Variants in RBMS1 observed in about 807,000 individuals in gnomAD.
The protein encoded by RBMS1 is RNA binding motif single stranded interacting protein 1, also known as RNA-binding motif, single-stranded-interacting protein 1.
Under a neutral mutation model 62.3 loss-of-function variants are expected in RBMS1, and 17 were observed. That is an observed-to-expected ratio of 0.27 (90% CI 0.19 to 0.41). RBMS1 has a LOEUF of 0.41. Ranked by LOEUF, RBMS1 falls within the 10% of genes least tolerant of loss-of-function variation. The pLI is 1.00. For synonymous variants in RBMS1, 172 were observed against 170.0 expected (o/e 1.01, Z -0.09); for missense variants, 334 against 504.5 (o/e 0.66, Z 3.24).
rs556274655 is a variant in RBMS1 at position 160,274,533 on chromosome 2, T to G, written c.*239A>C. On this transcript the variant is annotated 3_prime_UTR_variant, in exon 14 of 14. Coordinates refer to ENST00000348849, the MANE Select transcript of RBMS1 (RefSeq NM_016836.4). ...CTTTTGTTTTTGTTTTTTGTTTTTT[T>G]TTTTTTACTAAAATAAACCTGTTCG... 5 of 151,800 alleles carry G rather than the reference T, an allele frequency of 3.3e-5. No homozygotes were observed. In the South Asian group the frequency reaches 8.3e-4, roughly 25 times the overall value. The allele number at this position is 151,800 out of a possible 1,614,324, so 9.4% of individuals were successfully genotyped here.
chr2:160,473,423 T>C (rs1221803624), intron 1 of RBMS1, among the ~76,000 whole-genome samples: 3 of 152,216 alleles, frequency 2.0e-5, no homozygotes, highest in African/African-American at 7.2e-5. Context: ...ATGGAATTTG[T>C]CATTTAAAAG....
At chr2:160,294,704 A>T (rs533755180) in intron 6 of RBMS1, among the ~76,000 whole-genome samples, 51 of 152,350 alleles carry the variant, frequency 3.3e-4, no homozygotes, top group Middle Eastern at 3.4e-3. Flanking sequence ...TTCTGACAGG[A>T]ATCATCCCAG....
intron 2 of RBMS1, among the ~76,000 whole-genome samples, chr2:160,327,287 T>G (rs1690988664): frequency 6.6e-6 from 1 of 152,254 alleles, no homozygotes; most frequent in Non-Finnish European, 1.5e-5. Flanking sequence ...TCATTCCTGT[T>G]AATGTCTTAC....
chr2:160,349,913 G>T (rs1692399764), intron 2 of RBMS1, among the ~76,000 whole-genome samples: 1 of 151,920 alleles, frequency 6.6e-6, no homozygotes. Flanking sequence ...GCTGAAGTAA[G>T]CTGATGGAGA....
At chr2:160,312,180 T>C (rs1270757961) in intron 4 of RBMS1, among the ~76,000 whole-genome samples, 1 of 152,178 alleles carries the variant, frequency 6.6e-6, no homozygotes, top group East Asian at 1.9e-4. Flanking sequence ...TAAGGCCAAC[T>C]TTTTCAAGGC....
intron 1 of RBMS1, among the ~76,000 whole-genome samples, chr2:160,439,505 G>A (rs1414029781): frequency 4.6e-5 from 7 of 151,896 alleles, no homozygotes; most frequent in South Asian, 2.1e-4. Flanking sequence ...ATGGCGGCCG[G>A]GAGGAGGCGC....
At chr2:160,297,366 A>C in intron 6 of RBMS1, among the ~76,000 whole-genome samples, 1 of 152,196 alleles carries the variant, frequency 6.6e-6, no homozygotes, top group Non-Finnish European at 1.5e-5. Flanking sequence ...ATCAGAAGAC[A>C]TTTCAATTTC....
At chr2:160,368,006 G>T (rs888248847) in intron 1 of RBMS1, among the ~76,000 whole-genome samples, 1 of 152,088 alleles carries the variant, frequency 6.6e-6, no homozygotes, top group Non-Finnish European at 1.5e-5. Flanking sequence ...GTCCAAGCTG[G>T]AAAACTTCCC....
intron 2 of RBMS1, among the ~76,000 whole-genome samples, chr2:160,335,614 T>G (rs921126761): frequency 9.2e-5 from 14 of 152,200 alleles, no homozygotes; most frequent in Non-Finnish European, 1.8e-4. Context: ...GAACAGATTT[T>G]CGTAGAATCT....
At chr2:160,383,325 T>C (rs1694377788) in intron 1 of RBMS1, among the ~76,000 whole-genome samples, 1 of 152,084 alleles carries the variant, frequency 6.6e-6, no homozygotes, top group Non-Finnish European at 1.5e-5. Context: ...ATCCTCTTCT[T>C]GAAAGGACAC....
At chr2:160,434,092 T>C (rs1040665961) in intron 1 of RBMS1, among the ~76,000 whole-genome samples, 1 of 152,220 alleles carries the variant, frequency 6.6e-6, no homozygotes, top group Non-Finnish European at 1.5e-5. Context: ...GAAAAGGGCA[T>C]ATACTAGTCA....
chr2:160,336,760 G>A (rs940874423), intron 2 of RBMS1, among the ~76,000 whole-genome samples: 6 of 151,912 alleles, frequency 3.9e-5, no homozygotes, highest in African/African-American at 9.7e-5. Context: ...ATTTGGACTC[G>A]CCACATTTCA....
At position 160,287,634 on chromosome 2, in the gene RBMS1, G is replaced by A. The variant is rs527425034; in HGVS notation, c.641-550C>T. Among the ~76,000 whole-genome samples the A allele has an allele frequency of 3.0e-4, 46 of 152,352 alleles. 1 individual carries two copies. The South Asian group carries it at 9.1e-3, about 30-fold the overall frequency. On this transcript the variant is annotated intron_variant, in intron 6 of 13. Transcript: ENST00000348849. ...TCCCCTTCTAGGCTATACGCCCCATGGGGGCAGTAACATTGTCTGTTTTGT... is the reference window on the plus strand; with the variant it reads ...TCCCCTTCTAGGCTATACGCCCCATAGGGGCAGTAACATTGTCTGTTTTGT...
At chr2:160,282,879 C>G (rs1688177596) in intron 9 of RBMS1, 1 of 152,238 alleles carries the variant, frequency 6.6e-6, no homozygotes, top group Non-Finnish European at 1.5e-5. Context: ...TACTAGGTCC[C>G]TGAACTTATG....
At chr2:160,278,898 C>T (rs1327357390) in intron 10 of RBMS1, 1 of 397,366 alleles carries the variant, frequency 2.5e-6, no homozygotes, top group Non-Finnish European at 4.5e-6. Context: ...CACAACAATC[C>T]CTGTATTAAA....
intron 3 of RBMS1, among the ~76,000 whole-genome samples, chr2:160,313,932 C>T (rs1033706396): frequency 6.6e-6 from 1 of 152,116 alleles, no homozygotes; most frequent in African/African-American, 2.4e-5. Flanking sequence ...AACACATAAC[C>T]TCCTTAGAGA....
At chr2:160,369,896 AAGT>A (rs1180023390) in intron 1 of RBMS1, among the ~76,000 whole-genome samples, 2 of 152,196 alleles carry the variant, frequency 1.3e-5, no homozygotes, top group Non-Finnish European at 2.9e-5. Context: ...TTAGACATGA[AAGT>A]AGTAGGTTTT....
At chr2:160,290,126 CAA>C (rs1409043501) in intron 6 of RBMS1, among the ~76,000 whole-genome samples, 2 of 143,068 alleles carry the variant, frequency 1.4e-5, no homozygotes, top group African/African-American at 2.6e-5. Flanking sequence ...TGGCTTCTAC[CAA>C]ACCAGCGGTA....
At chr2:160,399,737 G>T (rs1695339461) in intron 1 of RBMS1, among the ~76,000 whole-genome samples, 1 of 152,040 alleles carries the variant, frequency 6.6e-6, no homozygotes, top group Admixed American at 6.5e-5. Flanking sequence ...ATCACAAATG[G>T]TCTTCCAAAA....
Sources: allele counts gnomAD v4.1 joint callset (sites outside exome capture counted in the v4.1 genomes callset), GRCh38; gene constraint gnomAD v4.1.1; transcripts MANE v1.5; gene names NCBI Gene and HGNC (gene_info 2026-07-23, HGNC 2026-07-21).